MARCHF9: variants seen among roughly 807,000 people sequenced by gnomAD.
The protein encoded by MARCHF9 is E3 ubiquitin-protein ligase MARCHF9.
Under a neutral mutation model 35.2 loss-of-function variants are expected in MARCHF9, and 17 were observed. The ratio of observed to expected loss-of-function variants is 0.48; its 90% confidence interval spans 0.33 to 0.72. The LOEUF (loss-of-function observed/expected upper bound fraction) is 0.72. MARCHF9 is among the 30% of genes least tolerant of loss of function. MARCHF9 has a pLI of 0.02. For missense variants in MARCHF9, 386 were observed against 478.2 expected (o/e 0.81, Z 1.80); for synonymous variants, 183 against 207.4 (o/e 0.88, Z 1.01).
At chr12:57,756,383 A>G (rs946291334) in intron 1 of MARCHF9, among the ~76,000 whole-genome samples, 10 of 152,202 alleles carry the variant, frequency 6.6e-5, no homozygotes, top group Non-Finnish European at 1.3e-4. Flanking sequence ...TTGTCCCAGA[A>G]TAGTGCCAGG....
Position 57,759,800 on chromosome 12 carries a change from A to G in MARCHF9, c.*903A>G, listed in dbSNP as rs1008698264. 5.3e-5 allele frequency: 8 copies of G among 152,252 alleles called. No homozygotes were observed. The highest frequency in any genetic ancestry group is 1.9e-4 in the African/African-American group (8 of 41,454). The allele number at this position is 152,252 out of a possible 1,614,324, so 9.4% of individuals were successfully genotyped here. On this transcript the variant is annotated 3_prime_UTR_variant, in exon 4 of 4. Transcript: ENST00000266643. ...ATTTCAAATAGTAGCTGGTGTAACAAATTCTAAAATGTGTTTTTCATCTGG... is the reference window on the plus strand; with the variant it reads ...ATTTCAAATAGTAGCTGGTGTAACAGATTCTAAAATGTGTTTTTCATCTGG...
chr12:57,755,557 T>C lies in MARCHF9; in HGVS notation c.29T>C (p.Leu10Pro), dbSNP rs753205700. 6 of 1,303,512 alleles carry C rather than the reference T, an allele frequency of 4.6e-6. No individual in the cohort carries two copies. In the South Asian group the frequency reaches 6.1e-5, roughly 13 times the overall value. The allele number at this position is 1,303,512 out of a possible 1,614,324, so 80.7% of individuals were successfully genotyped here. Residue 10 changes from leucine (L) to proline (P), a missense_variant, in exon 1 of 4, where the codon CTG becomes CCG. By Grantham distance (98) the Leu-to-Pro change is moderately conservative. Coordinates refer to ENST00000266643, the MANE Select transcript of MARCHF9 (RefSeq NM_138396.6). MLKSRLRMF[L>P]NELKLLVLTG... ...CTCAAGTCTCGGCTCCGCATGTTTC[T>C]GAACGAGCTGAAGCTGCTGGTGCTG...
chr12:57,756,471 C>A (rs929729485), intron 1 of MARCHF9, among the ~76,000 whole-genome samples: 1 of 152,146 alleles, frequency 6.6e-6, no homozygotes, highest in African/African-American at 2.4e-5. Context: ...GATTTCTCCC[C>A]TTTTTAGTAC....
Position 57,755,597 on chromosome 12 carries a change from GC to G in MARCHF9, c.73del (p.Arg25GlyfsTer99), listed in dbSNP as rs1180652665. The G allele has an allele frequency of 1.5e-6, 2 of 1,363,822 alleles. No individual in the cohort carries two copies. The highest frequency in any genetic ancestry group is 1.9e-6 in the Non-Finnish European group (2 of 1,058,692). The allele number at this position is 1,363,822 out of a possible 1,614,324, so 84.5% of individuals were successfully genotyped here. A position where few individuals can be genotyped will look rare whatever the true frequency, so the allele number is the denominator to read the frequency against. Reference protein sequence around the residue: ...KLLVLTGGGRPRAEPQPRGGR... With the variant: ...KLLVLTGGGRXRAEPQPRGGR... Reference sequence around the variant, plus strand: ...TGCTGGTGCTGACAGGCGGGGGGCGGCCCCGGGCCGAGCCGCAACCCCGGGG... The same window carrying G: ...TGCTGGTGCTGACAGGCGGGGGGCGGCCCGGGCCGAGCCGCAACCCCGGGG... On this transcript the variant is annotated frameshift_variant, in exon 1 of 4. Transcript: ENST00000266643. LOFTEE classifies it high-confidence loss of function.
In MARCHF9 at chr12:57,758,321, T is replaced by C. The variant is rs761308941; in HGVS notation, c.706+21T>C. On this transcript the variant is annotated intron_variant, in intron 3 of 3. Transcript: ENST00000266643. The surrounding 1 kb of genome is among the most constrained non-coding windows in gnomAD (Gnocchi z 5.4). The stretch of plus-strand genomic sequence containing the variant: ...CATAGGTGAGGGCACCTCTCTCTCC[T>C]TTACCTGCTCTGTATCTTCCTCTTA... 1.3e-6 allele frequency: 2 copies of C among 1,596,928 alleles called. No individual in the cohort carries two copies. The highest frequency in any genetic ancestry group is 1.7e-6 in the Non-Finnish European group (2 of 1,167,876).
At chr12:57,756,684 C>A (rs541904244) in intron 1 of MARCHF9, among the ~76,000 whole-genome samples, 3 of 152,190 alleles carry the variant, frequency 2.0e-5, no homozygotes, top group Non-Finnish European at 4.4e-5. Flanking sequence ...CAGCCCTTCT[C>A]CCCTCTAATC....
chr12:57,755,883 C>A lies in MARCHF9; in HGVS notation c.355C>A (p.Gln119Lys). Reference protein sequence around the residue: ...QCRICFQGPEQGELLSPCRCD... With the variant: ...QCRICFQGPEKGELLSPCRCD... ...CCGGATCTGCTTCCAGGGCCCGGAG[C>A]AGGTCAGGCCTGGGCACCTGGCCGG... Residue 119 changes from glutamine to lysine, a missense_variant and splice_region_variant, in exon 1 of 4, where the codon CAG (glutamine) becomes AAG (lysine). Gln to Lys is a moderately conservative substitution (Grantham distance 53). Transcript: ENST00000266643. 1 of 1,514,326 alleles carries A rather than the reference C, an allele frequency of 6.6e-7. No individual in the cohort carries two copies. The allele number at this position is 1,514,326 out of a possible 1,614,324, so 93.8% of individuals were successfully genotyped here.
chr12:57,756,927 A>AG lies in MARCHF9; in HGVS notation c.361dup. The AG allele has an allele frequency of 1.3e-6, 2 of 1,537,168 alleles. No homozygotes were observed. The highest frequency in any genetic ancestry group is 1.8e-6 in the Non-Finnish European group (2 of 1,140,596). On this transcript the variant is annotated splice_acceptor_variant, in intron 1 of 3. Transcript: ENST00000266643. LOFTEE classifies it high-confidence loss of function. ...CAGGGCCCCTCCTCACTCTTCCTCCAGGGGGAGCTCTTAAGCCCCTGCCGC... is the reference window on the plus strand; with the variant it reads ...CAGGGCCCCTCCTCACTCTTCCTCCAGGGGGGAGCTCTTAAGCCCCTGCCGC...
rs923882157 is a variant in MARCHF9 at position 57,758,800 on chromosome 12, A to G, written c.944A>G (p.Tyr315Cys). The G allele has an allele frequency of 2.5e-6, 4 of 1,613,462 alleles. No individual in the cohort carries two copies. The highest frequency in any genetic ancestry group is 3.4e-6 in the Non-Finnish European group (4 of 1,179,912). ...ACGCTCTTGCCTCAGCGCTGCGGTT[A>G]TACAATCTTGCACCTCCTTGGGCAG... The part of the protein sequence containing the change: ...MRTLLPQRCG[Y>C]TILHLLGQLR... Residue 315 changes from tyrosine (Y) to cysteine (C), a missense_variant, in exon 4 of 4, where the codon TAT becomes TGT. Physicochemically the swap from Tyr to Cys is radical, Grantham distance 194. This residue lies in a region of MARCHF9 where 111 missense variants were observed against 112.4 expected (regional missense o/e 0.99). Transcript: ENST00000266643. This position sits in a 1 kb window ranked among gnomAD's most constrained non-coding sequence, Gnocchi z 5.4.
intron 1 of MARCHF9, among the ~76,000 whole-genome samples, chr12:57,756,189 A>T (rs1373714095): frequency 1.3e-5 from 2 of 151,964 alleles, no homozygotes; most frequent in Non-Finnish European, 2.9e-5. Context: ...AGCTAAGGGG[A>T]CCTGTTCTCT....
At position 57,755,337 on chromosome 12, in the gene MARCHF9, C is replaced by T. The variant is rs1423801579; in HGVS notation, c.-192C>T. 3.1e-6 allele frequency: 1 copy of T among 324,082 alleles called. No individual in the cohort carries two copies. The highest frequency in any genetic ancestry group is 2.2e-5 in the African/African-American group (1 of 44,482). 20.1% of individuals were successfully genotyped at this position (324,082 alleles called of 1,614,324 possible). The stretch of plus-strand genomic sequence containing the variant: ...GCCGCCCACCCCGCCGCCCCCGGGC[C>T]GCCAGCCCGCTCGGCCCCGCAAGCA... On this transcript the variant is annotated 5_prime_UTR_variant, in exon 1 of 4. Transcript: ENST00000266643.
In MARCHF9 at chr12:57,755,624, G is replaced by A. The variant is rs1165206909; in HGVS notation, c.96G>A (p.Gly32=). 6.0e-6 allele frequency: 8 copies of A among 1,332,798 alleles called. No individual in the cohort carries two copies. The highest frequency in any genetic ancestry group is 6.7e-6 in the Non-Finnish European group (7 of 1,046,408). 82.6% of individuals were successfully genotyped at this position (1,332,798 alleles called of 1,614,324 possible). The stretch of plus-strand genomic sequence containing the variant: ...CCCGGGCCGAGCCGCAACCCCGGGG[G>A]GGCCGGGGAGGCGGCTGCGGCTGGG... ...GRPRAEPQPR[G]GRGGGCGWAP... The change falls in exon 1 of 4, where the codon GGG becomes GGA. Residue 32 remains glycine (G), a synonymous_variant. Coordinates refer to ENST00000266643, the MANE Select transcript of MARCHF9 (RefSeq NM_138396.6).
Position 57,755,336 on chromosome 12 carries a change from C to A in MARCHF9, c.-193C>A. On this transcript the variant is annotated 5_prime_UTR_variant, in exon 1 of 4. Transcript: ENST00000266643. ...GGCCGCCCACCCCGCCGCCCCCGGG[C>A]CGCCAGCCCGCTCGGCCCCGCAAGC... The A allele has an allele frequency of 1.9e-5, 4 of 214,718 alleles. No individual in the cohort carries two copies. Among genetic ancestry groups the A allele is most frequent in the Non-Finnish European group, 3.5e-5 (4 of 112,728 alleles). 13.3% of individuals were successfully genotyped at this position (214,718 alleles called of 1,614,324 possible).
chr12:57,755,780 G>C lies in MARCHF9; in HGVS notation c.252G>C (p.Pro84=). The change falls in exon 1 of 4, where the codon CCG becomes CCC. Residue 84 remains proline, a synonymous_variant. Transcript: ENST00000266643. Reference sequence around the variant, plus strand: ...CCGGACCCCTGCCGCCGCCCGCGCCGCCGCTGCCGCCCCCGGGCGCGCTGG... The same window carrying C: ...CCGGACCCCTGCCGCCGCCCGCGCCCCCGCTGCCGCCCCCGGGCGCGCTGG... The part of the protein sequence containing the change: ...PRAGPLPPPA[P]PLPPPGALDA... 4 of 1,276,760 alleles carry C rather than the reference G, an allele frequency of 3.1e-6. No homozygotes were observed. Among genetic ancestry groups the C allele is most frequent in the Non-Finnish European group, 3.9e-6 (4 of 1,013,492 alleles). The allele number at this position is 1,276,760 out of a possible 1,614,324, so 79.1% of individuals were successfully genotyped here. A position where few individuals can be genotyped will look rare whatever the true frequency, so the allele number is the denominator to read the frequency against.
Position 57,756,969 on chromosome 12 carries a change from G to A in MARCHF9, c.398G>A (p.Arg133His), listed in dbSNP as rs1955291197. The change falls in exon 2 of 4, where the codon CGC becomes CAC. Residue 133 changes from arginine (R) to histidine (H), a missense_variant. Arg to His is a conservative substitution (Grantham distance 29). This residue lies in a region of MARCHF9 where 219 missense variants were observed against 316.2 expected (regional missense o/e 0.69). Coordinates refer to ENST00000266643, the MANE Select transcript of MARCHF9 (RefSeq NM_138396.6). ...LSPCRCDGSV[R>H]CTHQPCLIRW... ...CCCTGCCGCTGCGACGGCTCAGTGC[G>A]CTGCACGCATCAGCCCTGCCTCATC... 2 of 1,598,032 alleles carry A rather than the reference G, an allele frequency of 1.3e-6. No individual in the cohort carries two copies. Among genetic ancestry groups the A allele is most frequent in the Middle Eastern group, 1.7e-4 (1 of 6,018 alleles).
In MARCHF9 at chr12:57,758,905, T is replaced by G. The variant is rs1227119899; in HGVS notation, c.*8T>G. On this transcript the variant is annotated 3_prime_UTR_variant, in exon 4 of 4. Coordinates refer to ENST00000266643, the MANE Select transcript of MARCHF9 (RefSeq NM_138396.6). The surrounding 1 kb of genome is among the most constrained non-coding windows in gnomAD (Gnocchi z 5.4). ...AGGGTCACTACAGTCTGAACTGGACTCCAGGAGCAGGGATCTTGAGTCAAT... is the reference window on the plus strand; with the variant it reads ...AGGGTCACTACAGTCTGAACTGGACGCCAGGAGCAGGGATCTTGAGTCAAT... 3.2e-6 allele frequency: 5 copies of G among 1,566,968 alleles called. No homozygotes were observed. In the South Asian group the frequency reaches 5.8e-5, roughly 18 times the overall value.
In MARCHF9 at chr12:57,755,515, C is replaced by G. The variant is rs1595113644; in HGVS notation, c.-14C>G. 7.6e-7 allele frequency: 1 copy of G among 1,315,750 alleles called. No homozygotes were observed. The highest frequency in any genetic ancestry group is 1.6e-5 in the African/African-American group (1 of 64,276). 81.5% of individuals were successfully genotyped at this position (1,315,750 alleles called of 1,614,324 possible). ...CCCCCTTGCACGCTGCCCCCCGCCC[C>G]CGGTGTCCGGACGATGCTCAAGTCT... On this transcript the variant is annotated 5_prime_UTR_variant, in exon 1 of 4. Transcript: ENST00000266643.
chr12:57,756,940 A>T lies in MARCHF9; in HGVS notation c.369A>T (p.Leu123Phe). The change falls in exon 2 of 4, where the codon TTA (leucine) becomes TTT (phenylalanine). Residue 123 changes from leucine (L) to phenylalanine (F), a missense_variant. Transcript: ENST00000266643. ...CFQGPEQGEL[L>F]SPCRCDGSVR... ...CACTCTTCCTCCAGGGGGAGCTCTTAAGCCCCTGCCGCTGCGACGGCTCAG... is the reference window on the plus strand; with the variant it reads ...CACTCTTCCTCCAGGGGGAGCTCTTTAGCCCCTGCCGCTGCGACGGCTCAG... 1 of 1,565,256 alleles carries T rather than the reference A, an allele frequency of 6.4e-7. No individual in the cohort carries two copies. Among genetic ancestry groups the T allele is most frequent in the Non-Finnish European group, 8.7e-7 (1 of 1,155,354 alleles).
At chr12:57,755,944 C>T in intron 1 of MARCHF9, 59 bp downstream of exon 1, 1 of 1,279,386 alleles carries the variant, frequency 7.8e-7, no homozygotes, top group South Asian at 1.5e-5. Flanking sequence ...GGGGTGTCAG[C>T]GGAGACCGCG....
Sources: gnomAD v4.1 joint callset for allele counts (sites outside exome capture counted in the v4.1 genomes callset) on GRCh38, gnomAD v4.1.1 for gene constraint, gnomAD v4.1.1 regional missense constraint, Gnocchi (gnomAD v3.1) non-coding constraint, MANE v1.5 for transcripts, NCBI Gene and HGNC (gene_info 2026-07-23, HGNC 2026-07-21) for gene names.